Variants in ING3 observed in about 807,000 individuals in gnomAD.
The protein encoded by ING3 is inhibitor of growth family member 3, also known as inhibitor of growth protein 3.
A neutral mutation model predicts 64.8 loss-of-function variants in ING3; 6 were observed. The observed-to-expected ratio is 0.09, with a 90% confidence interval of 0.05 to 0.18. The LOEUF (loss-of-function observed/expected upper bound fraction) is 0.18. Ranked by LOEUF, ING3 falls within the 10% of genes least tolerant of loss-of-function variation. The probability of loss-of-function intolerance (pLI) is 1.00; values close to 1 mark genes in which losing one functional copy is unlikely to be tolerated. For synonymous variants in ING3, 170 were observed against 173.7 expected (o/e 0.98, Z 0.17); for missense variants, 310 against 489.7 (o/e 0.63, Z 3.46).
At chr7:120,970,578 C>T (rs2074576) in intron 9 of ING3, 110 bp from the exon 10 acceptor site, 2 of 1,113,684 alleles carry the variant, frequency 1.8e-6, no homozygotes, top group Non-Finnish European at 2.5e-6. Context: ...CTTTAGCTTA[C>T]ACTTTAATTT....
chr7:120,965,291 CCT>C (rs1337586129), intron 5 of ING3, among the ~76,000 whole-genome samples: 1 of 152,152 alleles, frequency 6.6e-6, no homozygotes, highest in African/African-American at 2.4e-5. Context: ...CATAACACTA[CCT>C]CTTTTTCTTA....
intron 10 of ING3, among the ~76,000 whole-genome samples, chr7:120,971,516 C>T (rs1457938626): frequency 6.6e-6 from 1 of 152,176 alleles, no homozygotes; most frequent in African/African-American, 2.4e-5. Context: ...TGCAGATTTG[C>T]ACATGCATGT....
chr7:120,958,139 T>G (rs1274946973), intron 4 of ING3, among the ~76,000 whole-genome samples: 1 of 152,196 alleles, frequency 6.6e-6, no homozygotes, highest in Non-Finnish European at 1.5e-5. Context: ...TTTTGTCTTT[T>G]CTTCTTTTTC....
chr7:120,970,700 G>A lies in ING3; in HGVS notation c.921G>A (p.Lys307=), dbSNP rs770836088. ...CTATTTTTTTCAGAAACAACAACAAGTCTTCAAGCCAGCAGTCATCATCTT... is the reference window on the plus strand; with the variant it reads ...CTATTTTTTTCAGAAACAACAACAAATCTTCAAGCCAGCAGTCATCATCTT... ...RSGRKSKNNN[K]SSSQQSSSSS... The change falls in exon 10 of 12, where the codon AAG becomes AAA. Residue 307 remains lysine (K), a synonymous_variant. Transcript: ENST00000315870. The A allele has an allele frequency of 1.5e-5, 24 of 1,613,556 alleles. No individual in the cohort carries two copies. Among genetic ancestry groups the A allele is most frequent in the South Asian group, 8.8e-5 (8 of 91,064 alleles).
chr7:120,966,235 G>A (rs573211083), intron 5 of ING3, among the ~76,000 whole-genome samples: 5 of 152,030 alleles, frequency 3.3e-5, no homozygotes, highest in Non-Finnish European at 2.9e-5. Flanking sequence ...CCCCCATCAC[G>A]TAGAACTTCA....
intron 8 of ING3, 79 bp downstream of exon 8, chr7:120,968,170 G>A: frequency 8.1e-7 from 1 of 1,240,602 alleles, no homozygotes; most frequent in Non-Finnish European, 1.1e-6. Context: ...AACGGGATGT[G>A]AACAAATAGT....
rs544861013 is a variant in ING3, at chr7:120,968,087, C to T, written c.710C>T (p.Ala237Val). 96 of 1,613,314 alleles carry T rather than the reference C, an allele frequency of 6.0e-5. No homozygotes were observed. The South Asian group carries it at 1.0e-3, about 17-fold the overall frequency. The change falls in exon 8 of 12, where the codon GCT becomes GTT. Residue 237 changes from alanine to valine, a missense_variant. Ala to Val is a moderately conservative substitution (Grantham distance 64). Transcript: ENST00000315870. ...GCTGCTCAAGCAGTTCAGGCTACAG[C>T]TCAGGTAAAAAGTAAAGGGTTTAGA... ...MAAAQAVQATAQMKEGRRTSS... is the reference protein window; with the variant it reads ...MAAAQAVQATVQMKEGRRTSS...
intron 11 of ING3, 62 bp from the exon 12 acceptor site, chr7:120,974,666 T>TC: frequency 2.2e-6 from 2 of 889,964 alleles, no homozygotes; most frequent in Non-Finnish European, 3.8e-6. Context: ...TGAGCATATT[T>TC]TAATATACTC....
intron 9 of ING3, among the ~76,000 whole-genome samples, chr7:120,970,382 G>A (rs1014148532): frequency 6.6e-6 from 1 of 151,448 alleles, no homozygotes; most frequent in Admixed American, 6.6e-5. Flanking sequence ...GGAGAATGGC[G>A]TGAACCTGGG....
In ING3 at chr7:120,976,383, C is replaced by T. The variant is rs899895722; in HGVS notation, c.*1539C>T. 1 of 152,118 alleles carries T rather than the reference C, an allele frequency of 6.6e-6. No individual in the cohort carries two copies. Among genetic ancestry groups the T allele is most frequent in the Admixed American group, 6.5e-5 (1 of 15,274 alleles). 9.4% of individuals were successfully genotyped at this position (152,118 alleles called of 1,614,324 possible). On this transcript the variant is annotated 3_prime_UTR_variant, in exon 12 of 12. Coordinates refer to ENST00000315870, the MANE Select transcript of ING3 (RefSeq NM_019071.3). Reference sequence around the variant, plus strand: ...GGTAGATAGGGGATTTCAAAGATCTCTTCCACCTTTGAGATCCCATGATTC... The same window carrying T: ...GGTAGATAGGGGATTTCAAAGATCTTTTCCACCTTTGAGATCCCATGATTC...
At chr7:120,961,587 G>A (rs1795934442) in intron 4 of ING3, among the ~76,000 whole-genome samples, 1 of 152,178 alleles carries the variant, frequency 6.6e-6, no homozygotes, top group Non-Finnish European at 1.5e-5. Flanking sequence ...AAGAGTCAAA[G>A]ATTACAACTC....
chr7:120,976,716 G>A lies in ING3; in HGVS notation c.*1872G>A, dbSNP rs764104980. The A allele has an allele frequency of 2.6e-5, 4 of 152,158 alleles. No homozygotes were observed. Among genetic ancestry groups the A allele is most frequent in the Non-Finnish European group, 5.9e-5 (4 of 68,008 alleles). The allele number at this position is 152,158 out of a possible 1,614,324, so 9.4% of individuals were successfully genotyped here. ...ATGTACAGCCTTATTTGAAGAGAAA[G>A]TTCTTTGTCTGAGTCAGGAACATCC... On this transcript the variant is annotated 3_prime_UTR_variant, in exon 12 of 12. Coordinates refer to ENST00000315870, the MANE Select transcript of ING3 (RefSeq NM_019071.3).
intron 6 of ING3, among the ~76,000 whole-genome samples, chr7:120,967,137 T>C (rs1296913320): frequency 6.6e-6 from 1 of 152,202 alleles, no homozygotes; most frequent in Non-Finnish European, 1.5e-5. Context: ...AGTGGATGAA[T>C]TGTTAGTTAG....
At chr7:120,952,721 C>T (rs1250396510) in intron 2 of ING3, among the ~76,000 whole-genome samples, 1 of 151,592 alleles carries the variant, frequency 6.6e-6, no homozygotes, top group Non-Finnish European at 1.5e-5. Context: ...AGATTTTTCT[C>T]AACTTACATA....
At position 120,974,901 on chromosome 7, in the gene ING3, CT is replaced by C; in HGVS notation, c.*60del. On this transcript the variant is annotated 3_prime_UTR_variant, in exon 12 of 12. Transcript: ENST00000315870. Reference sequence around the variant, plus strand: ...CTTCAGCTGAAGATTTTATATAGGACTTTAAAAAGAAGAGAAGAGAAAGAAG... The same window carrying C: ...CTTCAGCTGAAGATTTTATATAGGACTTAAAAAGAAGAGAAGAGAAAGAAG... 1 of 1,203,818 alleles carries C rather than the reference CT, an allele frequency of 8.3e-7. No homozygotes were observed. Among genetic ancestry groups the C allele is most frequent in the Non-Finnish European group, 1.2e-6 (1 of 838,478 alleles). The allele number at this position is 1,203,818 out of a possible 1,614,324, so 74.6% of individuals were successfully genotyped here.
chr7:120,956,700 A>AAT, intron 4 of ING3: 1 of 974,802 alleles, frequency 1.0e-6, no homozygotes, highest in Non-Finnish European at 1.2e-6. Flanking sequence ...AAAAAAAAAA[A>AAT]GGTCTTAATT....
rs1479158397 is a variant in ING3 at position 120,976,322 on chromosome 7, G to T, written c.*1478G>T. 1 of 152,060 alleles carries T rather than the reference G, an allele frequency of 6.6e-6. No homozygotes were observed. Among genetic ancestry groups the T allele is most frequent in the Non-Finnish European group, 1.5e-5 (1 of 68,004 alleles). 9.4% of individuals were successfully genotyped at this position (152,060 alleles called of 1,614,324 possible). ...CTTCTTAGAACTTATTCAGATAACA[G>T]TGTAAAATCTATGCAGTGCTACCCA... On this transcript the variant is annotated 3_prime_UTR_variant, in exon 12 of 12. Coordinates refer to ENST00000315870, the MANE Select transcript of ING3 (RefSeq NM_019071.3).
chr7:120,973,065 A>G (rs1193252637), intron 10 of ING3, 140 bp from the exon 11 acceptor site: 3 of 446,154 alleles, frequency 6.7e-6, no homozygotes, highest in African/African-American at 2.2e-5. Context: ...GGAAAAAATT[A>G]TTATACCTTG....
At position 120,969,019 on chromosome 7, in the gene ING3, G is replaced by C; in HGVS notation, c.723G>C (p.Glu241Asp). The C allele has an allele frequency of 6.2e-7, 1 of 1,608,600 alleles. No homozygotes were observed. Among genetic ancestry groups the C allele is most frequent in the Non-Finnish European group, 8.5e-7 (1 of 1,176,184 alleles). Residue 241 changes from glutamate to aspartate, a missense_variant, in exon 9 of 12, where the codon GAG (glutamate) becomes GAC (aspartate). By Grantham distance (45) the Glu-to-Asp change is conservative (BLOSUM62 2). Transcript: ENST00000315870. ...ATGAATGTCTATTTAAGATGAAGGAGGGACGAAGAACATCAAGTTTAAAAG... is the reference window on the plus strand; with the variant it reads ...ATGAATGTCTATTTAAGATGAAGGACGGACGAAGAACATCAAGTTTAAAAG... ...QAVQATAQMKEGRRTSSLKAS... is the reference protein window; with the variant it reads ...QAVQATAQMKDGRRTSSLKAS...
Sources: gnomAD v4.1 joint callset for allele counts (sites outside exome capture counted in the v4.1 genomes callset) on GRCh38, gnomAD v4.1.1 for gene constraint, MANE v1.5 for transcripts, NCBI Gene and HGNC (gene_info 2026-07-23, HGNC 2026-07-21) for gene names.